The following DNAH5 variants were observed in gnomAD, a reference collection of about 807,000 sequenced individuals.
DNAH5 encodes axonemal beta dynein heavy chain 5.
A neutral mutation model predicts 518.2 loss-of-function variants in DNAH5; 372 were observed. The observed-to-expected ratio is 0.72, with a 90% CI of 0.66 to 0.78. The LOEUF (loss-of-function observed/expected upper bound fraction) is 0.78. Among genes scored for constraint, DNAH5 ranks in the 30% least tolerant of loss-of-function variants. The pLI is 0.00. For missense variants in DNAH5, 5,523 were observed against 5,687.0 expected, an observed-to-expected ratio of 0.97 and a Z score of 0.93; for synonymous variants, 2,039 against 2,025.9, an observed-to-expected ratio of 1.01 and a Z score of -0.17.
In DNAH5 at chr5:13,876,710, T is replaced by G; in HGVS notation, c.3370A>C (p.Ser1124Arg). 1 of 1,613,952 alleles carries G rather than the reference T, an allele frequency of 6.2e-7. No individual in the cohort carries two copies. Among genetic ancestry groups the G allele is most frequent in the South Asian group, 1.1e-5 (1 of 91,080 alleles). The part of the protein sequence containing the change: ...KEIVKLVSVL[S>R]TIINSTKKEV... ...TTTTTGGTGGAGTTGATAATTGTGC[T>G]AAGCACAGAAACTAATTTTACAATC... The change falls in exon 22 of 79, where the codon AGC (serine) becomes CGC (arginine). Residue 1124 changes from serine to arginine, a missense_variant. By Grantham distance (110) the Ser-to-Arg change is moderately radical. Transcript: ENST00000265104.
chr5:13,705,760 G>A (rs1330841891), intron 76 of DNAH5, among the ~76,000 whole-genome samples: 2 of 152,178 alleles, frequency 1.3e-5, no homozygotes, highest in Non-Finnish European at 1.5e-5. Flanking sequence ...TTATAAAAGG[G>A]AAATTTGGAC....
chr5:14,006,573 G>C (rs1305122196), intron 1 of DNAH5, among the ~76,000 whole-genome samples: 1 of 152,122 alleles, frequency 6.6e-6, no homozygotes, highest in Non-Finnish European at 1.5e-5. Flanking sequence ...TATCGGATTG[G>C]AGCCCACACA....
chr5:13,923,823 C>A (rs906314002), intron 3 of DNAH5, among the ~76,000 whole-genome samples: 1 of 152,112 alleles, frequency 6.6e-6, no homozygotes, highest in African/African-American at 2.4e-5. Context: ...GCGGGCAGAT[C>A]ACCTGAGGTC....
Position 13,721,259 on chromosome 5 carries a change from T to C in DNAH5, c.12034-14A>G, listed in dbSNP as rs779396205. 11 of 1,613,928 alleles carry C rather than the reference T, an allele frequency of 6.8e-6. No homozygotes were observed. Among genetic ancestry groups the C allele is most frequent in the Non-Finnish European group, 9.3e-6 (11 of 1,179,956 alleles). ...GTACTTGCGGGCCTGCCAAAAACAG[T>C]ATACAAGTCAGTAAAAGTCATTCCA... On this transcript the variant is annotated splice_polypyrimidine_tract_variant and intron_variant, in intron 70 of 78. Coordinates refer to ENST00000265104, the MANE Select transcript of DNAH5 (RefSeq NM_001369.3).
chr5:13,843,317 G>A (rs1477254590), intron 32 of DNAH5, among the ~76,000 whole-genome samples: 13 of 152,080 alleles, frequency 8.5e-5, no homozygotes, highest in Non-Finnish European at 1.3e-4. Context: ...TCACTGCCCT[G>A]CTTAAACACC....
intron 1 of DNAH5, among the ~76,000 whole-genome samples, chr5:13,998,151 C>T (rs574096382): frequency 3.3e-5 from 5 of 152,248 alleles, no homozygotes; most frequent in Non-Finnish European, 7.4e-5. Context: ...GCCTATTTCT[C>T]ACAATTCTAG....
At chr5:13,869,675 A>G (rs554923630) in intron 24 of DNAH5, among the ~76,000 whole-genome samples, 1 of 152,356 alleles carries the variant, frequency 6.6e-6, no homozygotes, top group South Asian at 2.1e-4. Context: ...AAGGAGCTGG[A>G]AAGAAATATA....
chr5:13,914,590 G>C lies in DNAH5; in HGVS notation c.1250C>G (p.Thr417Ser), dbSNP rs149202369. The C allele has an allele frequency of 6.9e-5, 112 of 1,613,032 alleles. No individual in the cohort carries two copies. In the African/African-American group the frequency reaches 9.7e-4, roughly 14 times the overall value. ...CTGTGGCTGGTTCCAGATGGAAGCG[G>C]TTCCATTATTGGTAATATAGGCTTT... ...ACKAYITNNG[T>S]ASIWNQPQDV... The change falls in exon 10 of 79, where the codon ACC (threonine) becomes AGC (serine). Residue 417 changes from threonine to serine, a missense_variant. By Grantham distance (58) the Thr-to-Ser change is moderately conservative (BLOSUM62 1). Transcript: ENST00000265104.
chr5:13,769,172 C>T (rs1752936643), intron 57 of DNAH5, 36 bp from the exon 58 acceptor site: 1 of 1,598,708 alleles, frequency 6.3e-7, no homozygotes, highest in Non-Finnish European at 8.6e-7. Flanking sequence ...CTTCACCAAA[C>T]AGTATTAAAC....
chr5:13,794,313 C>T (rs1030729275), intron 47 of DNAH5, among the ~76,000 whole-genome samples: 4 of 152,206 alleles, frequency 2.6e-5, no homozygotes, highest in African/African-American at 7.2e-5. Flanking sequence ...GGATGAGACT[C>T]GTCTGTCCAT....
At chr5:13,938,080 A>T (rs543410652) in intron 1 of DNAH5, among the ~76,000 whole-genome samples, 1 of 152,272 alleles carries the variant, frequency 6.6e-6, no homozygotes, top group Non-Finnish European at 1.5e-5. Flanking sequence ...AATGTGATAA[A>T]ATCTCATGCC....
At chr5:13,730,684 T>C (rs1746397696) in intron 68 of DNAH5, among the ~76,000 whole-genome samples, 1 of 151,458 alleles carries the variant, frequency 6.6e-6, no homozygotes. Context: ...TCTGCCCACC[T>C]CGGCCTCCCA....
At chr5:13,809,874 T>A (rs930082667) in intron 45 of DNAH5, among the ~76,000 whole-genome samples, 185 bp downstream of exon 45, 6 of 152,234 alleles carry the variant, frequency 3.9e-5, no homozygotes, top group Non-Finnish European at 8.8e-5. Flanking sequence ...AAAATGTGCA[T>A]TTGAAATACA....
chr5:13,784,769 G>A (rs1362434885), intron 52 of DNAH5, among the ~76,000 whole-genome samples: 1 of 152,176 alleles, frequency 6.6e-6, no homozygotes, highest in Non-Finnish European at 1.5e-5. Flanking sequence ...TATCAACTAA[G>A]TGAGAATATC....
intron 75 of DNAH5, among the ~76,000 whole-genome samples, chr5:13,711,466 G>A (rs1320790861): frequency 6.6e-6 from 1 of 152,124 alleles, no homozygotes; most frequent in Admixed American, 6.5e-5. Context: ...ACAAGACAAG[G>A]ATGCCCACTC....
At chr5:13,978,779 A>G (rs997333946) in intron 1 of DNAH5, among the ~76,000 whole-genome samples, 1 of 152,172 alleles carries the variant, frequency 6.6e-6, no homozygotes, top group Non-Finnish European at 1.5e-5. Flanking sequence ...ACACTCTATG[A>G]TGTTCACATA....
chr5:13,835,270 C>A (rs1764215993), intron 35 of DNAH5, among the ~76,000 whole-genome samples: 1 of 136,596 alleles, frequency 7.3e-6, no homozygotes, highest in Non-Finnish European at 1.6e-5. Flanking sequence ...CAGAGTGAGA[C>A]TTCTTCTCAA....
chr5:13,745,418 ACT>A (rs1288114767), intron 65 of DNAH5, among the ~76,000 whole-genome samples: 3 of 152,042 alleles, frequency 2.0e-5, no homozygotes, highest in Non-Finnish European at 2.9e-5. Context: ...AGAAAGTATA[ACT>A]CTGTTAAAAT....
intron 1 of DNAH5, among the ~76,000 whole-genome samples, chr5:13,959,740 G>A (rs1781026759): frequency 6.6e-6 from 1 of 152,190 alleles, no homozygotes; most frequent in Non-Finnish European, 1.5e-5. Flanking sequence ...GGCTGAGGCA[G>A]GCAGATCACC....
Sources: gnomAD v4.1 joint callset for allele counts (sites outside exome capture counted in the v4.1 genomes callset) on GRCh38, gnomAD v4.1.1 for gene constraint, MANE v1.5 for transcripts, NCBI Gene and HGNC (gene_info 2026-07-23, HGNC 2026-07-21) for gene names.